Variants in DCDC2 observed in about 807,000 individuals in gnomAD.
The protein encoded by DCDC2 is doublecortin domain containing 2.
Under a neutral mutation model 50.2 loss-of-function variants are expected in DCDC2, and 40 were observed. That is an observed-to-expected ratio of 0.80 (90% CI 0.62 to 1.04). The LOEUF (loss-of-function observed/expected upper bound fraction) is 1.04, where lower values mean the gene tolerates loss of function less well. Among genes scored for constraint, DCDC2 ranks in the 50% least tolerant of loss-of-function variants. The probability of loss-of-function intolerance (pLI) is 0.00; values close to 1 mark genes in which losing one functional copy is unlikely to be tolerated. For missense variants in DCDC2, 570 were observed against 581.9 expected (o/e 0.98, Z 0.21); for synonymous variants, 234 against 210.6 (o/e 1.11, Z -0.96).
At chr6:24,242,379 C>T in intron 7 of DCDC2, among the ~76,000 whole-genome samples, 1 of 152,090 alleles carries the variant, frequency 6.6e-6, no homozygotes, top group Non-Finnish European at 1.5e-5. Flanking sequence ...CTCACCACGC[C>T]TGCTCATGCC....
rs1760831677 is a variant in DCDC2 at position 24,173,444 on chromosome 6, T to C, written c.*1286A>G. On this transcript the variant is annotated 3_prime_UTR_variant, in exon 10 of 10. Transcript: ENST00000378454. ...TACAACTTCCACATAATTAAAAATATATCCTTTAAGAAAAATATATTATTT... is the reference window on the plus strand; with the variant it reads ...TACAACTTCCACATAATTAAAAATACATCCTTTAAGAAAAATATATTATTT... 1.3e-5 allele frequency: 2 copies of C among 152,156 alleles called. No homozygotes were observed. Among genetic ancestry groups the C allele is most frequent in the African/African-American group, 2.4e-5 (1 of 41,446 alleles). 9.4% of individuals were successfully genotyped at this position (152,156 alleles called of 1,614,324 possible).
intron 7 of DCDC2, among the ~76,000 whole-genome samples, chr6:24,254,248 T>C (rs1467152076): frequency 6.6e-6 from 1 of 152,178 alleles, no homozygotes; most frequent in African/African-American, 2.4e-5. Context: ...GTTCTACCTA[T>C]AACTTTTATA....
At chr6:24,353,512 A>G in intron 2 of DCDC2, 57 bp downstream of exon 2, 1 of 1,104,114 alleles carries the variant, frequency 9.1e-7, no homozygotes. Context: ...AAGACACACC[A>G]TAAGAAACAA....
chr6:24,346,571 C>T (rs1760260301), intron 2 of DCDC2, among the ~76,000 whole-genome samples: 1 of 152,110 alleles, frequency 6.6e-6, no homozygotes, highest in South Asian at 2.1e-4. Flanking sequence ...GCCTAGCCAA[C>T]ATGACAAACC....
At chr6:24,305,794 AG>A (rs60550308) in intron 2 of DCDC2, among the ~76,000 whole-genome samples, 1 of 151,882 alleles carries the variant, frequency 6.6e-6, no homozygotes, top group Non-Finnish European at 1.5e-5. Flanking sequence ...TGGGAGGCCA[AG>A]GGGGGGTGGA....
intron 4 of DCDC2, among the ~76,000 whole-genome samples, chr6:24,299,529 G>A (rs764382653): frequency 6.6e-6 from 1 of 151,978 alleles, no homozygotes; most frequent in East Asian, 1.9e-4. Context: ...AATTAAGTTG[G>A]GAACACTCAT....
At position 24,256,258 on chromosome 6, in the gene DCDC2, T is replaced by C. The variant is rs1376349840; in HGVS notation, c.922+21791A>G. Among the ~76,000 whole-genome samples, 3 of 147,972 alleles carry C rather than the reference T, an allele frequency of 2.0e-5. No individual in the cohort carries two copies. In the East Asian group the frequency reaches 6.1e-4, roughly 30 times the overall value. ...AGACTAAAGATGCAGAGGGAGGGGC[T>C]TCTCAGATGCTGGACATTTTTTTTT... On this transcript the variant is annotated intron_variant, in intron 7 of 9. Transcript: ENST00000378454.
intron 8 of DCDC2, among the ~76,000 whole-genome samples, chr6:24,182,414 T>C (rs1226196958): frequency 1.3e-5 from 2 of 152,042 alleles, no homozygotes; most frequent in African/African-American, 4.8e-5. Context: ...ATTTATCTGA[T>C]AAAGGCTTGA....
chr6:24,258,797 A>G (rs1762949808), intron 7 of DCDC2, among the ~76,000 whole-genome samples: 1 of 152,130 alleles, frequency 6.6e-6, no homozygotes, highest in Admixed American at 6.5e-5. Flanking sequence ...GAACCAACCA[A>G]TCAGAGCTCA....
At chr6:24,347,830 G>C (rs532991585) in intron 2 of DCDC2, among the ~76,000 whole-genome samples, 2 of 152,248 alleles carry the variant, frequency 1.3e-5, no homozygotes, top group East Asian at 3.9e-4. Flanking sequence ...AATCTAAATA[G>C]GTGGTGGAAA....
intron 7 of DCDC2, among the ~76,000 whole-genome samples, chr6:24,253,908 C>T (rs990921891): frequency 2.6e-5 from 4 of 152,124 alleles, no homozygotes; most frequent in Non-Finnish European, 4.4e-5. Flanking sequence ...TTAACCTCAG[C>T]TTACTGTAAC....
At chr6:24,235,540 C>CA (rs1334163179) in intron 7 of DCDC2, among the ~76,000 whole-genome samples, 1 of 152,030 alleles carries the variant, frequency 6.6e-6, no homozygotes, top group Non-Finnish European at 1.5e-5. Flanking sequence ...GAATTAAGAA[C>CA]AAAAAACCAT....
chr6:24,177,864 A>T (rs1760959432), intron 9 of DCDC2, among the ~76,000 whole-genome samples: 1 of 152,242 alleles, frequency 6.6e-6, no homozygotes, highest in Non-Finnish European at 1.5e-5. Flanking sequence ...GAAAAAAGCA[A>T]ACTAACTTCA....
intron 4 of DCDC2, among the ~76,000 whole-genome samples, chr6:24,294,978 T>C (rs375810021): frequency 6.6e-6 from 1 of 152,050 alleles, no homozygotes; most frequent in East Asian, 1.9e-4. Context: ...GAGGCCAGCA[T>C]CATCCTGATA....
At position 24,246,459 on chromosome 6, in the gene DCDC2, A is replaced by G. The variant is rs961093947; in HGVS notation, c.922+31590T>C. ...TCATTGTAAGATCTGTTTTAGATAAAGACAAGTCTTTTTCTTTTTCTTTTT... is the reference window on the plus strand; with the variant it reads ...TCATTGTAAGATCTGTTTTAGATAAGGACAAGTCTTTTTCTTTTTCTTTTT... On this transcript the variant is annotated intron_variant, in intron 7 of 9. Coordinates refer to ENST00000378454, the MANE Select transcript of DCDC2 (RefSeq NM_016356.5). 1.3e-4 allele frequency among the ~76,000 whole-genome samples: 20 copies of G among 150,394 alleles called. 1 individual carries two copies. The highest frequency in any genetic ancestry group is 6.6e-5 in the Admixed American group (1 of 15,046).
At chr6:24,206,795 C>T (rs1761724777) in intron 7 of DCDC2, among the ~76,000 whole-genome samples, 1 of 152,120 alleles carries the variant, frequency 6.6e-6, no homozygotes, top group Admixed American at 6.5e-5. Context: ...ATATAAACAG[C>T]AAAGAGACAA....
At chr6:24,250,780 A>G (rs1169420219) in intron 7 of DCDC2, among the ~76,000 whole-genome samples, 2 of 152,172 alleles carry the variant, frequency 1.3e-5, no homozygotes, top group African/African-American at 4.8e-5. Flanking sequence ...TCATACCCCT[A>G]AAGCACTCCT....
At chr6:24,216,614 C>G (rs1457302320) in intron 7 of DCDC2, among the ~76,000 whole-genome samples, 1 of 152,238 alleles carries the variant, frequency 6.6e-6, no homozygotes, top group Non-Finnish European at 1.5e-5. Flanking sequence ...CTGAGGCCAT[C>G]AAGACAGTCA....
chr6:24,199,057 C>T (rs61566842), intron 8 of DCDC2, among the ~76,000 whole-genome samples: 18,133 of 152,204 alleles, frequency 0.12, 1,452 homozygotes, highest in East Asian at 0.44. Context: ...AGAGCACCTG[C>T]GGGAAGCAGC....
Sources: allele counts gnomAD v4.1 joint callset (sites outside exome capture counted in the v4.1 genomes callset), GRCh38; gene constraint gnomAD v4.1.1; transcripts MANE v1.5; gene names NCBI Gene and HGNC (gene_info 2026-07-23, HGNC 2026-07-21).